EDC3: variants seen among roughly 807,000 people sequenced by gnomAD.
The protein encoded by EDC3 is enhancer of mRNA decapping 3, also known as enhancer of mRNA-decapping protein 3.
EDC3 carries 20 observed loss-of-function variants against 41.8 expected under a neutral mutation model. The ratio of observed to expected loss-of-function variants is 0.48; its 90% CI spans 0.34 to 0.70. EDC3 has a LOEUF of 0.70. Ranked by LOEUF, EDC3 falls within the 30% of genes least tolerant of loss-of-function variation. The pLI is 0.01. For missense variants in EDC3, 444 were observed against 636.8 expected, an observed-to-expected ratio of 0.70 and a Z score of 3.26; for synonymous variants, 206 against 243.2, an observed-to-expected ratio of 0.85 and a Z score of 1.42.
chr15:74,680,412 GAC>G (rs2062858300), intron 1 of EDC3, among the ~76,000 whole-genome samples: 1 of 151,982 alleles, frequency 6.6e-6, no homozygotes, highest in Non-Finnish European at 1.5e-5. Flanking sequence ...CATAGCAACT[GAC>G]ACAGAAATGC....
At chr15:74,663,481 C>T (rs955659043) in intron 3 of EDC3, among the ~76,000 whole-genome samples, 7 of 151,986 alleles carry the variant, frequency 4.6e-5, no homozygotes, top group Non-Finnish European at 8.8e-5. Flanking sequence ...AATTTCTGAG[C>T]GCCAACGTGA....
intron 1 of EDC3, among the ~76,000 whole-genome samples, chr15:74,683,928 C>T (rs1209385999): frequency 6.6e-6 from 1 of 151,886 alleles, no homozygotes; most frequent in East Asian, 1.9e-4. Flanking sequence ...TGGTGGCTCA[C>T]ACCTGTAATC....
At chr15:74,661,910 TA>T (rs1467113129) in intron 3 of EDC3, among the ~76,000 whole-genome samples, 1 of 152,184 alleles carries the variant, frequency 6.6e-6, no homozygotes, top group Non-Finnish European at 1.5e-5. Flanking sequence ...CAGAAAATTC[TA>T]AATATTCACA....
rs2063059849 is a variant in EDC3, at chr15:74,695,924, C to T, written c.-63G>A. The stretch of plus-strand genomic sequence containing the variant: ...GAGCTCCTCCGCACACCACACCAAG[C>T]CGACCACTCAACACCAGAGGACCCA... On this transcript the variant is annotated 5_prime_UTR_variant, in exon 1 of 7. Transcript: ENST00000315127. The T allele has an allele frequency of 6.5e-6, 1 of 153,178 alleles. No homozygotes were observed. The allele number at this position is 153,178 out of a possible 1,614,324, so 9.5% of individuals were successfully genotyped here.
In EDC3 at chr15:74,671,475, A is replaced by G. The variant is rs767501602; in HGVS notation, c.464T>C (p.Phe155Ser). ...HMESLSQSKS[F>S]RRRHNSWSSS... Reference sequence around the variant, plus strand: ...CTTACAGGAGTTGTGCCGACGACGGAAACTTTTGGACTGACTCAAGGATTC... The same window carrying G: ...CTTACAGGAGTTGTGCCGACGACGGGAACTTTTGGACTGACTCAAGGATTC... The change falls in exon 3 of 7, where the codon TTC becomes TCC. Residue 155 changes from phenylalanine to serine, a missense_variant. Around this residue, in one of 3 missense-constraint regions of EDC3, gnomAD observed 200 missense variants for 244.0 expected, o/e 0.82. Transcript: ENST00000315127. This position sits in a 1 kb window ranked among gnomAD's most constrained non-coding sequence, Gnocchi z 4.6. 8.1e-6 allele frequency: 13 copies of G among 1,608,638 alleles called. No individual in the cohort carries two copies. The highest frequency in any genetic ancestry group is 2.6e-6 in the Non-Finnish European group (3 of 1,175,606).
intron 5 of EDC3, chr15:74,636,692 G>A (rs1001236324): frequency 1.3e-5 from 2 of 152,202 alleles, no homozygotes; most frequent in East Asian, 1.9e-4. Context: ...AAGCTAAGAG[G>A]AGCTTCATAA....
chr15:74,674,704 C>T (rs1596325631), intron 2 of EDC3, among the ~76,000 whole-genome samples: 1 of 152,092 alleles, frequency 6.6e-6, no homozygotes, highest in Non-Finnish European at 1.5e-5. Context: ...GAATGAATAT[C>T]GGAATGCAAA....
At chr15:74,653,936 T>C (rs758315170) in intron 4 of EDC3, among the ~76,000 whole-genome samples, 6 of 152,118 alleles carry the variant, frequency 3.9e-5, no homozygotes, top group East Asian at 1.9e-4. Context: ...GGGCAGATCA[T>C]AATCTTCCCA....
chr15:74,667,322 A>G (rs1410525401), intron 3 of EDC3, among the ~76,000 whole-genome samples: 1 of 151,616 alleles, frequency 6.6e-6, no homozygotes, highest in Non-Finnish European at 1.5e-5. Flanking sequence ...ACACACATAT[A>G]TTTTCTTTTC....
intron 4 of EDC3, chr15:74,645,563 TTG>T (rs1491418197): frequency 3.4e-5 from 2 of 59,236 alleles, no homozygotes; most frequent in African/African-American, 5.7e-5. Flanking sequence ...ATAAAAAAAG[TTG>T]GGGGGGGGGG....
chr15:74,690,541 T>A (rs2062995700), intron 1 of EDC3, among the ~76,000 whole-genome samples: 1 of 152,178 alleles, frequency 6.6e-6, no homozygotes, highest in Non-Finnish European at 1.5e-5. Flanking sequence ...CAATTATAAT[T>A]AACAGCTGTG....
At chr15:74,647,939 T>G (rs1190135220) in intron 4 of EDC3, among the ~76,000 whole-genome samples, 3 of 152,194 alleles carry the variant, frequency 2.0e-5, no homozygotes, top group Non-Finnish European at 4.4e-5. Flanking sequence ...AACATCCTTG[T>G]GGCACCTGAT....
chr15:74,632,470 T>G lies in EDC3; in HGVS notation c.*142A>C. ...GCTAAGAGCAAGTGACAGGTCAGTT[T>G]TAAGTAAGTTCTGTTCTCTCACAGA... On this transcript the variant is annotated 3_prime_UTR_variant, in exon 7 of 7. Coordinates refer to ENST00000315127, the MANE Select transcript of EDC3 (RefSeq NM_025083.5). This position sits in a 1 kb window ranked among gnomAD's most constrained non-coding sequence, Gnocchi z 4.0. 1 of 1,028,528 alleles carries G rather than the reference T, an allele frequency of 9.7e-7. No individual in the cohort carries two copies. The highest frequency in any genetic ancestry group is 1.4e-6 in the Non-Finnish European group (1 of 720,458). 63.7% of individuals were successfully genotyped at this position (1,028,528 alleles called of 1,614,324 possible).
At chr15:74,634,263 G>C (rs891025168) in intron 6 of EDC3, among the ~76,000 whole-genome samples, 10 of 152,060 alleles carry the variant, frequency 6.6e-5, no homozygotes, top group African/African-American at 9.7e-5. Flanking sequence ...TTCTTCACTT[G>C]GCTTTCAGCT....
intron 2 of EDC3, among the ~76,000 whole-genome samples, chr15:74,672,953 A>G (rs2062756319): frequency 6.6e-6 from 1 of 152,146 alleles, no homozygotes; most frequent in Admixed American, 6.5e-5. Flanking sequence ...TGGCCAGGGC[A>G]GGGGGAATGA....
intron 3 of EDC3, among the ~76,000 whole-genome samples, chr15:74,660,258 G>A (rs1033286066): frequency 2.0e-5 from 3 of 151,322 alleles, no homozygotes; most frequent in South Asian, 2.1e-4. Flanking sequence ...ACAAAAACTA[G>A]CCAGGCATGG....
rs189786952 is a variant in EDC3, at chr15:74,661,553, A to G, written c.485-5485T>C. Among the ~76,000 whole-genome samples, 35 of 152,166 alleles carry G rather than the reference A, an allele frequency of 2.3e-4. 1 individual carries two copies. Among genetic ancestry groups the G allele is most frequent in the Admixed American group, 2.1e-3 (32 of 15,266 alleles). On this transcript the variant is annotated intron_variant, in intron 3 of 6. Transcript: ENST00000315127. ...AATACTTTGGGAGGCCGAGGTGGGC[A>G]GATTACCTGAGGTCAGAAGTTCGAG...
chr15:74,680,414 C>T (rs1280903570), intron 1 of EDC3, among the ~76,000 whole-genome samples: 1 of 151,964 alleles, frequency 6.6e-6, no homozygotes, highest in Non-Finnish European at 1.5e-5. Flanking sequence ...TAGCAACTGA[C>T]ACAGAAATGC....
Position 74,635,721 on chromosome 15 carries a change from G to GTGGGT in EDC3, c.975-96_975-95insACCCA, listed in dbSNP as rs1485915043. The GTGGGT allele has an allele frequency of 3.8e-4, 448 of 1,173,540 alleles. 2 individuals carry two copies. The highest frequency in any genetic ancestry group is 1.5e-3 in the Middle Eastern group (6 of 3,944). 72.7% of individuals were successfully genotyped at this position (1,173,540 alleles called of 1,614,324 possible). On this transcript the variant is annotated intron_variant, in intron 5 of 6. Coordinates refer to ENST00000315127, the MANE Select transcript of EDC3 (RefSeq NM_025083.5). Reference sequence around the variant, plus strand: ...TTGCCTGTAGCACCTATTGGTCTCAGATCTCTTACCCACTGCTCACCAAGT... The same window carrying GTGGGT: ...TTGCCTGTAGCACCTATTGGTCTCAGTGGGTATCTCTTACCCACTGCTCACCAAGT...
Sources: allele counts gnomAD v4.1 joint callset (sites outside exome capture counted in the v4.1 genomes callset), GRCh38; gene constraint gnomAD v4.1.1; regional missense constraint gnomAD v4.1.1; non-coding constraint Gnocchi (gnomAD v3.1); transcripts MANE v1.5; gene names NCBI Gene and HGNC (gene_info 2026-07-23, HGNC 2026-07-21).